SLC36A1: variants seen among roughly 807,000 people sequenced by gnomAD.
SLC36A1 encodes the protein proton-coupled amino acid transporter 1.
Under a neutral mutation model 47.5 loss-of-function variants are expected in SLC36A1, and 30 were observed. That is an observed-to-expected ratio of 0.63 (90% CI 0.47 to 0.86). The LOEUF (loss-of-function observed/expected upper bound fraction) is 0.86. SLC36A1 is among the 40% of genes least tolerant of loss of function. The pLI is 0.00. For synonymous variants in SLC36A1, 255 were observed against 249.7 expected, an observed-to-expected ratio of 1.02 and a Z score of -0.20; for missense variants, 517 against 606.0, an observed-to-expected ratio of 0.85 and a Z score of 1.54.
At chr5:151,486,367 G>T (rs200285896) in intron 10 of SLC36A1, among the ~76,000 whole-genome samples, 5 of 151,756 alleles carry the variant, frequency 3.3e-5, no homozygotes, top group Admixed American at 1.3e-4. Flanking sequence ...ATTTGGAGGG[G>T]ATCCAAACCA....
chr5:151,510,711 G>C, the SLC36A1 span: 1 of 152,348 alleles, frequency 6.6e-6, no homozygotes, highest in African/African-American at 2.4e-5. Flanking sequence ...GGGAGGGGTG[G>C]GGGATGAGGC....
At chr5:151,541,803 TGAAGGAATTATATCTAAG>T in the SLC36A1 span, among the ~76,000 whole-genome samples, 1 of 152,156 alleles carries the variant, frequency 6.6e-6, no homozygotes, top group Admixed American at 6.5e-5. Flanking sequence ...ATACGTGAAA[TGAAGGAATTATATCTAAG>T]GAAGTGCTGT....
chr5:151,480,643 C>G (rs940972474), intron 10 of SLC36A1, among the ~76,000 whole-genome samples: 1 of 152,164 alleles, frequency 6.6e-6, no homozygotes, highest in Non-Finnish European at 1.5e-5. Flanking sequence ...AATAGATTGC[C>G]TTAATGTGTG....
the SLC36A1 span, among the ~76,000 whole-genome samples, chr5:151,517,391 G>A: frequency 6.6e-6 from 1 of 152,226 alleles, no homozygotes; most frequent in Non-Finnish European, 1.5e-5. Flanking sequence ...ACCCCACAGA[G>A]TAAGCAGCCC....
chr5:151,554,561 A>T, the SLC36A1 span: 1 of 1,614,080 alleles, frequency 6.2e-7, no homozygotes, highest in Non-Finnish European at 8.5e-7. Context: ...TGGAAGGCGG[A>T]CATTGAAGAG....
chr5:151,487,702 A>C (rs1759754864), intron 10 of SLC36A1, among the ~76,000 whole-genome samples: 1 of 152,140 alleles, frequency 6.6e-6, no homozygotes, highest in Admixed American at 6.5e-5. Flanking sequence ...TTTTGCACAG[A>C]AAGATGGAAG....
intron 7 of SLC36A1, among the ~76,000 whole-genome samples, chr5:151,469,429 A>T (rs1387224423): frequency 6.6e-6 from 1 of 152,172 alleles, no homozygotes; most frequent in Non-Finnish European, 1.5e-5. Flanking sequence ...TGTTGTTGTT[A>T]GTTGTCACAT....
chr5:151,477,017 G>A, intron 9 of SLC36A1: 1 of 596,486 alleles, frequency 1.7e-6, no homozygotes. Flanking sequence ...AAGCTCAGAA[G>A]GACCGAGTAT....
At chr5:151,360,009 C>T in the SLC36A1 span, among the ~76,000 whole-genome samples, 3 of 152,232 alleles carry the variant, frequency 2.0e-5, no homozygotes, top group South Asian at 2.1e-4. Flanking sequence ...TTTTTGTGGA[C>T]GTAAGTTTTA....
At chr5:151,542,586 G>A in the SLC36A1 span, 55 of 1,614,084 alleles carry the variant, frequency 3.4e-5, no homozygotes, top group Non-Finnish European at 4.7e-5. Flanking sequence ...CAATGGCAAA[G>A]AGCTCATGGA....
At chr5:151,362,790 A>G in the SLC36A1 span, among the ~76,000 whole-genome samples, 1 of 152,190 alleles carries the variant, frequency 6.6e-6, no homozygotes, top group Non-Finnish European at 1.5e-5. Context: ...TTTTCTAAAT[A>G]TCTCAATCTC....
chr5:151,348,910 C>T, the SLC36A1 span, among the ~76,000 whole-genome samples: 1 of 152,160 alleles, frequency 6.6e-6, no homozygotes, highest in South Asian at 2.1e-4. Flanking sequence ...AGCACTGTCT[C>T]CTTTGTTTTA....
At chr5:151,367,361 A>ATATTTTTTTT in the SLC36A1 span, among the ~76,000 whole-genome samples, 4 of 118,846 alleles carry the variant, frequency 3.4e-5, no homozygotes, top group African/African-American at 1.4e-4. Context: ...CCAGGAATGC[A>ATATTTTTTTT]TTTTTTTTTT....
chr5:151,359,357 T>C, the SLC36A1 span, among the ~76,000 whole-genome samples: 6,062 of 152,226 alleles, frequency 0.04, 412 homozygotes, highest in African/African-American at 0.14. Flanking sequence ...CATAAGCTTA[T>C]AGTTAGAAAC....
chr5:151,473,864 A>G (rs1379705082), intron 8 of SLC36A1, 93 bp downstream of exon 8: 5 of 1,040,386 alleles, frequency 4.8e-6, no homozygotes, highest in Non-Finnish European at 7.5e-6. Flanking sequence ...ACATTGTTAG[A>G]AAGTATCTTC....
intron 1 of SLC36A1, among the ~76,000 whole-genome samples, chr5:151,442,551 G>A (rs1752687977): frequency 6.6e-6 from 1 of 151,984 alleles, no homozygotes; most frequent in South Asian, 2.1e-4. Flanking sequence ...CTATATTATT[G>A]TTACCTATGC....
At chr5:151,371,876 G>A in the SLC36A1 span, among the ~76,000 whole-genome samples, 1 of 152,086 alleles carries the variant, frequency 6.6e-6, no homozygotes, top group African/African-American at 2.4e-5. Context: ...ATCTCACTCT[G>A]GTGTTTATGG....
At chr5:151,428,303 C>G in the SLC36A1 span, among the ~76,000 whole-genome samples, 2 of 152,156 alleles carry the variant, frequency 1.3e-5, no homozygotes, top group African/African-American at 4.8e-5. Context: ...GTCTCACTTG[C>G]AATTTCTGTG....
At chr5:151,418,875 A>T in the SLC36A1 span, among the ~76,000 whole-genome samples, 1 of 152,134 alleles carries the variant, frequency 6.6e-6, no homozygotes, top group Admixed American at 6.5e-5. Flanking sequence ...TCTCATCCTG[A>T]GTTGTAAACC....
Sources: gnomAD v4.1 joint callset for allele counts (sites outside exome capture counted in the v4.1 genomes callset) on GRCh38, gnomAD v4.1.1 for gene constraint, MANE v1.5 for transcripts, NCBI Gene and HGNC (gene_info 2026-07-23, HGNC 2026-07-21) for gene names.